Variants in AGMO observed in about 807,000 individuals in gnomAD.
AGMO encodes alkylglycerol monooxygenase, also known as glyceryl-ether monooxygenase.
A neutral mutation model predicts 60.2 loss-of-function variants in AGMO; 75 were observed. That is an observed-to-expected ratio of 1.25 (90% confidence interval 1.03 to 1.51). The LOEUF (loss-of-function observed/expected upper bound fraction) is 1.51. Ranked by LOEUF, AGMO falls within the 40% of genes most tolerant of loss-of-function variation. The pLI is 0.00. For missense variants in AGMO, 763 were observed against 525.5 expected (o/e 1.45, Z -4.42); for synonymous variants, 261 against 177.1 (o/e 1.47, Z -3.76).
At chr7:15,194,183 G>A in the AGMO span, among the ~76,000 whole-genome samples, 1 of 152,180 alleles carries the variant, frequency 6.6e-6, no homozygotes, top group Middle Eastern at 3.4e-3. Context: ...GGGATAGGCT[G>A]TTAAAAATTA....
At chr7:15,431,265 A>G (rs1481167771) in intron 3 of AGMO, among the ~76,000 whole-genome samples, 157 bp from the exon 4 acceptor site, 1 of 151,900 alleles carries the variant, frequency 6.6e-6, no homozygotes, top group East Asian at 1.9e-4. Context: ...GCTGCCTGAA[A>G]TAATTTTTGG....
chr7:15,460,493 T>C (rs1335868382), intron 3 of AGMO, among the ~76,000 whole-genome samples: 3 of 152,156 alleles, frequency 2.0e-5, no homozygotes, highest in African/African-American at 7.2e-5. Flanking sequence ...ATATTCATTA[T>C]TATGAAAAAT....
At chr7:15,485,062 C>A (rs1782874356) in intron 3 of AGMO, among the ~76,000 whole-genome samples, 1 of 150,182 alleles carries the variant, frequency 6.7e-6, no homozygotes, top group African/African-American at 2.5e-5. Flanking sequence ...CTTTGGGAGG[C>A]CGAAGCGGGT....
At chr7:15,371,403 T>C (rs73064589) in intron 10 of AGMO, among the ~76,000 whole-genome samples, 4,037 of 151,536 alleles carry the variant, frequency 0.027, 79 homozygotes, top group Middle Eastern at 0.058. Flanking sequence ...TTTTTTTTTT[T>C]CTTCGAGACA....
At chr7:15,187,698 T>C in the AGMO span, among the ~76,000 whole-genome samples, 1 of 152,066 alleles carries the variant, frequency 6.6e-6, no homozygotes, top group African/African-American at 2.4e-5. Context: ...AGTTTGGTCT[T>C]GGTTTTTCTT....
chr7:15,213,914 C>A (rs1781664796), intron 12 of AGMO, among the ~76,000 whole-genome samples: 1 of 151,980 alleles, frequency 6.6e-6, no homozygotes, highest in Non-Finnish European at 1.5e-5. Flanking sequence ...TGATGGAGTG[C>A]TTCAAGGACA....
intron 3 of AGMO, among the ~76,000 whole-genome samples, chr7:15,447,728 T>TG (rs1478247873): frequency 3.3e-5 from 5 of 151,456 alleles, no homozygotes; most frequent in East Asian, 2.0e-4. Flanking sequence ...ATTTTTTTTT[T>TG]TTTCAGTAGA....
At chr7:15,333,602 T>TA (rs199764355) in intron 12 of AGMO, among the ~76,000 whole-genome samples, 2,430 of 128,282 alleles carry the variant, frequency 0.019, 37 homozygotes, top group African/African-American at 0.042. Flanking sequence ...CTACTGAATT[T>TA]AAAAAAAAAA....
At chr7:15,384,003 T>C (rs947920618) in intron 10 of AGMO, among the ~76,000 whole-genome samples, 2 of 152,112 alleles carry the variant, frequency 1.3e-5, no homozygotes, top group South Asian at 2.1e-4. Context: ...TGGCGCGATC[T>C]CGGCTCACTG....
At chr7:15,510,487 T>C (rs1040882978) in intron 3 of AGMO, among the ~76,000 whole-genome samples, 3 of 151,872 alleles carry the variant, frequency 2.0e-5, no homozygotes, top group African/African-American at 7.3e-5. Context: ...CCTAAGCATC[T>C]GTTTATGGGT....
intron 3 of AGMO, among the ~76,000 whole-genome samples, chr7:15,479,189 A>T (rs1782682317): frequency 6.6e-6 from 1 of 152,194 alleles, no homozygotes; most frequent in Admixed American, 6.5e-5. Flanking sequence ...TGTGAAAAAG[A>T]GGGGACAACC....
At chr7:15,317,519 C>T (rs1478151252) in intron 12 of AGMO, among the ~76,000 whole-genome samples, 2 of 152,050 alleles carry the variant, frequency 1.3e-5, no homozygotes, top group East Asian at 1.9e-4. Flanking sequence ...AATATCACCT[C>T]GTAATAAGAG....
At chr7:15,369,631 TTC>T (rs961320932) in intron 10 of AGMO, among the ~76,000 whole-genome samples, 3 of 152,120 alleles carry the variant, frequency 2.0e-5, no homozygotes, top group Non-Finnish European at 4.4e-5. Context: ...TGTAACCATT[TTC>T]TGTTTTATTG....
At position 15,243,392 on chromosome 7, in the gene AGMO, G is replaced by GT. The variant is rs557368804; in HGVS notation, c.1264-42034dup. 6.1e-3 allele frequency among the ~76,000 whole-genome samples: 903 copies of GT among 148,630 alleles called. 7 individuals are homozygous for GT. The highest frequency in any genetic ancestry group is 0.01 in the African/African-American group (410 of 40,526). On this transcript the variant is annotated intron_variant, in intron 12 of 12. Transcript: ENST00000342526. ...TACTTAGAAACCTTATGAGCTAGAT[G>GT]TTTTTTTTTTACAAGTTAGAGCAAA...
intron 3 of AGMO, among the ~76,000 whole-genome samples, chr7:15,445,915 C>T (rs1460557378): frequency 2.0e-5 from 3 of 152,042 alleles, no homozygotes; most frequent in Admixed American, 6.6e-5. Context: ...GGACTTAATC[C>T]TATTCCATCA....
At chr7:15,227,500 T>C (rs1782122265) in intron 12 of AGMO, among the ~76,000 whole-genome samples, 1 of 147,738 alleles carries the variant, frequency 6.8e-6, no homozygotes, top group Admixed American at 6.7e-5. Flanking sequence ...GTTTATAGGA[T>C]GGCAGATTAA....
At chr7:15,451,697 C>T (rs566330882) in intron 3 of AGMO, among the ~76,000 whole-genome samples, 22 of 152,070 alleles carry the variant, frequency 1.4e-4, no homozygotes, top group South Asian at 6.2e-4. Context: ...AGAAAAACTT[C>T]GGCCGAATTA....
chr7:15,278,543 T>G (rs1783865083), intron 12 of AGMO, among the ~76,000 whole-genome samples: 1 of 151,776 alleles, frequency 6.6e-6, no homozygotes, highest in Non-Finnish European at 1.5e-5. Flanking sequence ...AACTCTCAGG[T>G]GAGGGCAGGC....
At chr7:15,283,328 C>G (rs959809105) in intron 12 of AGMO, among the ~76,000 whole-genome samples, 4 of 151,904 alleles carry the variant, frequency 2.6e-5, no homozygotes, top group African/African-American at 9.7e-5. Context: ...TATGTGCTGT[C>G]TTCAAGAGAT....
Sources: gnomAD v4.1 joint callset for allele counts (sites outside exome capture counted in the v4.1 genomes callset) on GRCh38, gnomAD v4.1.1 for gene constraint, MANE v1.5 for transcripts, NCBI Gene and HGNC (gene_info 2026-07-23, HGNC 2026-07-21) for gene names.